Variants in WDPCP observed in about 807,000 individuals in gnomAD.
WDPCP encodes WD repeat containing planar cell polarity effector, also known as WD repeat-containing and planar cell polarity effector protein fritz homolog.
In WDPCP, 71 loss-of-function variants were observed where a neutral mutation model predicts 93.1. That is an observed-to-expected ratio of 0.76 (90% confidence interval 0.63 to 0.93). The LOEUF is 0.93. Among genes scored for constraint, WDPCP ranks in the 40% least tolerant of loss-of-function variants. The pLI is 0.00. For synonymous variants in WDPCP, 315 were observed against 315.0 expected (o/e 1.00, Z 0.00); for missense variants, 844 against 887.4 (o/e 0.95, Z 0.62).
chr2:63,779,574 T>C (rs1271706790), intron 2 of WDPCP, among the ~76,000 whole-genome samples: 1 of 152,184 alleles, frequency 6.6e-6, no homozygotes, highest in Non-Finnish European at 1.5e-5. Flanking sequence ...TGTTCAACCC[T>C]CTTTGGTGGG....
At chr2:63,634,679 AAAC>A (rs1261933406) in intron 3 of WDPCP, among the ~76,000 whole-genome samples, 2 of 152,210 alleles carry the variant, frequency 1.3e-5, no homozygotes, top group Admixed American at 1.3e-4. Flanking sequence ...TGTTAAAATT[AAAC>A]AACACACTCC....
chr2:63,467,668 C>T (rs1012875868), intron 6 of WDPCP, among the ~76,000 whole-genome samples: 16 of 150,052 alleles, frequency 1.1e-4, no homozygotes, highest in Middle Eastern at 6.8e-3. Context: ...CCCAGCTACT[C>T]GGTAGGCTAA....
intron 13 of WDPCP, among the ~76,000 whole-genome samples, chr2:63,281,743 A>G (rs1276967281): frequency 6.6e-6 from 1 of 152,194 alleles, no homozygotes; most frequent in Non-Finnish European, 1.5e-5. Flanking sequence ...TAAACATCGT[A>G]TGTTCTCACT....
At chr2:63,189,831 T>A (rs1674905654) in intron 14 of WDPCP, among the ~76,000 whole-genome samples, 1 of 152,190 alleles carries the variant, frequency 6.6e-6, no homozygotes, top group East Asian at 1.9e-4. Flanking sequence ...TTAACATACT[T>A]ATTTTCCAGA....
chr2:63,543,443 C>T (rs573406371), intron 1 of WDPCP, among the ~76,000 whole-genome samples: 13 of 152,068 alleles, frequency 8.5e-5, no homozygotes, highest in South Asian at 8.3e-4. Flanking sequence ...CACAAAATCA[C>T]GGGAAAACAC....
Position 63,160,756 on chromosome 2 carries a change from C to A in WDPCP, c.2079-7182G>T, listed in dbSNP as rs183054756. On this transcript the variant is annotated intron_variant, in intron 15 of 17. Coordinates refer to ENST00000272321, the MANE Select transcript of WDPCP (RefSeq NM_015910.7). ...ATTTCACAACCCCTAATAAAATAAT[C>A]TAGGCAATGTTCATCAGTGATTTAA... 1.4e-3 allele frequency among the ~76,000 whole-genome samples: 209 copies of A among 152,202 alleles called. No homozygotes were observed. In the South Asian group the frequency reaches 0.015, roughly 11 times the overall value.
chr2:63,126,665 T>TG (rs1025538198), intron 17 of WDPCP, among the ~76,000 whole-genome samples: 4 of 142,206 alleles, frequency 2.8e-5, no homozygotes, highest in African/African-American at 5.2e-5. Context: ...ACTTGTTTTG[T>TG]GTTTTTTTTT....
At chr2:63,314,760 G>C (rs1686503201) in intron 12 of WDPCP, among the ~76,000 whole-genome samples, 1 of 150,736 alleles carries the variant, frequency 6.6e-6, no homozygotes. Flanking sequence ...ATTATCAGTG[G>C]CTTACAAATC....
intron 14 of WDPCP, among the ~76,000 whole-genome samples, chr2:63,244,464 T>C (rs1318241749): frequency 6.6e-6 from 1 of 152,152 alleles, no homozygotes; most frequent in African/African-American, 2.4e-5. Flanking sequence ...GGTAGACTGC[T>C]AGCTTGGCTA....
At chr2:63,584,394 T>C (rs1331952392) in intron 1 of WDPCP, among the ~76,000 whole-genome samples, 1 of 152,182 alleles carries the variant, frequency 6.6e-6, no homozygotes, top group African/African-American at 2.4e-5. Context: ...TAAATCATAA[T>C]GTATATATTA....
intron 3 of WDPCP, among the ~76,000 whole-genome samples, chr2:63,593,898 T>C (rs1398475208): frequency 6.6e-6 from 1 of 152,244 alleles, no homozygotes; most frequent in African/African-American, 2.4e-5. Flanking sequence ...TGTTTGTATG[T>C]CTTCCCTCCT....
intron 3 of WDPCP, among the ~76,000 whole-genome samples, chr2:63,603,425 C>T (rs262470): frequency 0.8 from 122,135 of 152,096 alleles, 49,700 homozygotes; most frequent in East Asian, 0.98. Flanking sequence ...CAACTAGTTT[C>T]TTCTCCCATT....
At chr2:63,588,606 C>T, upstream of WDPCP, 1 of 513,762 alleles carries the variant, frequency 1.9e-6, no homozygotes, top group Non-Finnish European at 3.5e-6. Context: ...CAGTCTCAGT[C>T]ACGCGCGTGG....
At chr2:63,398,134 G>A (rs987981190) in intron 10 of WDPCP, among the ~76,000 whole-genome samples, 1 of 152,118 alleles carries the variant, frequency 6.6e-6, no homozygotes, top group African/African-American at 2.4e-5. Flanking sequence ...TTGATAAGTG[G>A]TTGAGTGGGG....
chr2:63,247,242 A>G (rs1680356059), intron 14 of WDPCP, among the ~76,000 whole-genome samples: 1 of 152,194 alleles, frequency 6.6e-6, no homozygotes, highest in Non-Finnish European at 1.5e-5. Flanking sequence ...ACAACATTGT[A>G]GGTAGAGGCA....
At chr2:63,527,923 G>C (rs1157592968) in intron 1 of WDPCP, among the ~76,000 whole-genome samples, 1 of 152,072 alleles carries the variant, frequency 6.6e-6, no homozygotes, top group Non-Finnish European at 1.5e-5. Flanking sequence ...TAACTGGTGT[G>C]AGATGGTATC....
intron 2 of WDPCP, among the ~76,000 whole-genome samples, chr2:63,722,880 G>A (rs1324213885): frequency 6.6e-6 from 1 of 152,010 alleles, no homozygotes; most frequent in Admixed American, 6.6e-5. Context: ...AAATCGGATG[G>A]TTGCCGTGTC....
intron 2 of WDPCP, among the ~76,000 whole-genome samples, chr2:63,762,328 A>G (rs924032383): frequency 3.3e-5 from 5 of 152,216 alleles, no homozygotes; most frequent in Non-Finnish European, 7.3e-5. Context: ...AGCAAGCTAA[A>G]TGAATTAAAA....
At chr2:63,535,778 A>T (rs1244858219) in intron 1 of WDPCP, among the ~76,000 whole-genome samples, 2 of 152,208 alleles carry the variant, frequency 1.3e-5, no homozygotes, top group East Asian at 3.8e-4. Context: ...AACCTAGGCA[A>T]TACCATTCAG....
Sources: allele counts gnomAD v4.1 joint callset (sites outside exome capture counted in the v4.1 genomes callset), GRCh38; gene constraint gnomAD v4.1.1; transcripts MANE v1.5; gene names NCBI Gene and HGNC (gene_info 2026-07-23, HGNC 2026-07-21).